Variants in VAPA observed in about 807,000 individuals in gnomAD.
VAPA encodes the protein VAMP associated protein A.
Under a neutral mutation model 25.6 loss-of-function variants are expected in VAPA, and 6 were observed. The ratio of observed to expected loss-of-function variants is 0.23; its 90% CI spans 0.13 to 0.46. The LOEUF (loss-of-function observed/expected upper bound fraction) is 0.46, where lower values mean the gene tolerates loss of function less well. Ranked by LOEUF, VAPA falls within the 20% of genes least tolerant of loss-of-function variation. The pLI, the probability that VAPA is intolerant of heterozygous loss-of-function variation, is 0.99. For missense variants in VAPA, 244 were observed against 302.1 expected (o/e 0.81, Z 1.43); for synonymous variants, 112 against 106.2 (o/e 1.05, Z -0.34).
chr18:9,925,451 A>G (rs1413875425), intron 1 of VAPA, among the ~76,000 whole-genome samples: 1 of 152,092 alleles, frequency 6.6e-6, no homozygotes, highest in African/African-American at 2.4e-5. Flanking sequence ...TCAATGACTA[A>G]GTTTTTAAAA....
chr18:9,950,797 C>T, intron 5 of VAPA: 1 of 464,220 alleles, frequency 2.2e-6, no homozygotes, highest in South Asian at 2.4e-5. Flanking sequence ...TGTGATCTGG[C>T]CTGCAGTATT....
intron 1 of VAPA, among the ~76,000 whole-genome samples, chr18:9,928,847 T>C (rs901842479): frequency 1.3e-5 from 2 of 152,192 alleles, no homozygotes; most frequent in East Asian, 3.8e-4. Context: ...GTCAGATGTT[T>C]GTATCTACTT....
rs1473773996 is a variant in VAPA at position 9,935,700 on chromosome 18, A to G, written c.233-410A>G. Among the ~76,000 whole-genome samples, 3 of 152,374 alleles carry G rather than the reference A, an allele frequency of 2.0e-5. No individual in the cohort carries two copies. The East Asian group carries it at 5.8e-4, about 29-fold the overall frequency. ...AATGAAGCCTAAATTCATAGTTTTA[A>G]TAACTTATATTTAATCTGAGCTTAT... On this transcript the variant is annotated intron_variant, in intron 2 of 5. Coordinates refer to ENST00000400000, the MANE Select transcript of VAPA (RefSeq NM_194434.3).
chr18:9,951,246 C>G (rs2069486571), intron 5 of VAPA: 1 of 152,246 alleles, frequency 6.6e-6, no homozygotes, highest in African/African-American at 2.4e-5. Context: ...TTAGTGTAAG[C>G]TCTTCACTGT....
intron 1 of VAPA, among the ~76,000 whole-genome samples, chr18:9,919,054 A>AT (rs985311024): frequency 7.2e-5 from 11 of 151,898 alleles, no homozygotes; most frequent in Non-Finnish European, 1.2e-4. Flanking sequence ...TGCCCAGCTA[A>AT]TTTTTTACGT....
intron 4 of VAPA, among the ~76,000 whole-genome samples, chr18:9,938,100 C>G (rs1035151845): frequency 1.3e-5 from 2 of 151,950 alleles, no homozygotes; most frequent in Non-Finnish European, 1.5e-5. Context: ...TGGAGGTTTT[C>G]TTTTTTGCTT....
chr18:9,936,335 G>A lies in VAPA; in HGVS notation c.336+122G>A, dbSNP rs952215001. 15 of 537,144 alleles carry A rather than the reference G, an allele frequency of 2.8e-5. No homozygotes were observed. In the South Asian group the frequency reaches 6.3e-4, roughly 23 times the overall value. The allele number at this position is 537,144 out of a possible 1,614,324, so 33.3% of individuals were successfully genotyped here. A position where few individuals can be genotyped will look rare whatever the true frequency, so the allele number is the denominator to read the frequency against. On this transcript the variant is annotated intron_variant, in intron 3 of 5. Transcript: ENST00000400000. Reference sequence around the variant, plus strand: ...GTTAAATTTAGGTTTTTAAAAAACTGCCAATTTCTTCATTATAGATAATCC... The same window carrying A: ...GTTAAATTTAGGTTTTTAAAAAACTACCAATTTCTTCATTATAGATAATCC...
chr18:9,930,108 T>C (rs1390323780), intron 1 of VAPA, among the ~76,000 whole-genome samples: 1 of 152,150 alleles, frequency 6.6e-6, no homozygotes, highest in Admixed American at 6.5e-5. Context: ...TACCTTAGTT[T>C]GGATAATTGG....
intron 1 of VAPA, among the ~76,000 whole-genome samples, chr18:9,922,670 C>CA (rs1215910233): frequency 6.6e-6 from 1 of 151,798 alleles, no homozygotes; most frequent in African/African-American, 2.4e-5. Context: ...GACTGGGAGA[C>CA]AAAACAGTGG....
intron 4 of VAPA, among the ~76,000 whole-genome samples, chr18:9,944,456 G>T (rs117548434): frequency 0.024 from 3,609 of 152,288 alleles, 54 homozygotes; most frequent in Middle Eastern, 0.065. Context: ...GGCCTGGGAT[G>T]TGTGTGAGAG....
rs1397611396 is a variant in VAPA at position 9,959,700 on chromosome 18, A to T, written c.*5489A>T. 7.5e-6 allele frequency: 1 copy of T among 132,842 alleles called. No homozygotes were observed. Among genetic ancestry groups the T allele is most frequent in the African/African-American group, 2.9e-5 (1 of 34,792 alleles). The allele number at this position is 132,842 out of a possible 1,614,324, so 8.2% of individuals were successfully genotyped here. ...TACAATGTGTGTGTGTGAGAGAGAG[A>T]GTGAGTTACTGACATTGTTCCAAAA... On this transcript the variant is annotated 3_prime_UTR_variant, in exon 6 of 6. Coordinates refer to ENST00000400000, the MANE Select transcript of VAPA (RefSeq NM_194434.3).
At chr18:9,936,847 G>C (rs776170586) in intron 3 of VAPA, 139 bp from the exon 4 acceptor site, 33 of 612,840 alleles carry the variant, frequency 5.4e-5, no homozygotes, top group Non-Finnish European at 8.1e-5. Flanking sequence ...AACAATGGCA[G>C]GGTGATCAAT....
Position 9,955,670 on chromosome 18 carries a change from T to C in VAPA, c.*1459T>C, listed in dbSNP as rs2069541165. 6.6e-6 allele frequency: 1 copy of C among 152,234 alleles called. No individual in the cohort carries two copies. The highest frequency in any genetic ancestry group is 2.4e-5 in the African/African-American group (1 of 41,456). The allele number at this position is 152,234 out of a possible 1,614,324, so 9.4% of individuals were successfully genotyped here. A position where few individuals can be genotyped will look rare whatever the true frequency, so the allele number is the denominator to read the frequency against. Reference sequence around the variant, plus strand: ...TCTGTGTACACATTTTATAGAAGAATGAAGTACTCTGAAGTATTTTGGTTG... The same window carrying C: ...TCTGTGTACACATTTTATAGAAGAACGAAGTACTCTGAAGTATTTTGGTTG... On this transcript the variant is annotated 3_prime_UTR_variant, in exon 6 of 6. Transcript: ENST00000400000.
chr18:9,938,260 G>A (rs1285887586), intron 4 of VAPA, among the ~76,000 whole-genome samples: 1 of 152,178 alleles, frequency 6.6e-6, no homozygotes, highest in Non-Finnish European at 1.5e-5. Flanking sequence ...TTCGGTCAGC[G>A]TAAATCTATC....
At chr18:9,925,522 A>G (rs1041848743) in intron 1 of VAPA, among the ~76,000 whole-genome samples, 3 of 152,222 alleles carry the variant, frequency 2.0e-5, no homozygotes, top group Admixed American at 2.0e-4. Flanking sequence ...AAAAATATTT[A>G]TACAAAAATA....
chr18:9,937,373 T>C (rs1424534036), intron 4 of VAPA, among the ~76,000 whole-genome samples: 1 of 152,220 alleles, frequency 6.6e-6, no homozygotes, highest in African/African-American at 2.4e-5. Context: ...GAATGAGATG[T>C]GTATACATAA....
chr18:9,946,213 G>A (rs1490749923), intron 4 of VAPA, among the ~76,000 whole-genome samples: 2 of 152,192 alleles, frequency 1.3e-5, no homozygotes, highest in African/African-American at 4.8e-5. Context: ...ATTGAGAAAT[G>A]TGTTGTTAGG....
In VAPA at chr18:9,945,350, C is replaced by CTTTTTTTTTTT. The variant is rs869048248; in HGVS notation, c.418-5027_418-5017dup. Among the ~76,000 whole-genome samples the CTTTTTTTTTTT allele has an allele frequency of 1.9e-4, 11 of 57,306 alleles. 1 individual carries two copies. Among genetic ancestry groups the CTTTTTTTTTTT allele is most frequent in the African/African-American group, 4.6e-4 (6 of 12,968 alleles). 37.6% of individuals were successfully genotyped at this position (57,306 alleles called of 152,430 possible). On this transcript the variant is annotated intron_variant, in intron 4 of 5. Coordinates refer to ENST00000400000, the MANE Select transcript of VAPA (RefSeq NM_194434.3). ...TTCTTTGAGATTTGGGGAATATACTCTTTTTTTTTTTTTTTTTTTTTTTTT... is the reference window on the plus strand; with the variant it reads ...TTCTTTGAGATTTGGGGAATATACTCTTTTTTTTTTTTTTTTTTTTTTTTTTTTTTTTTTTT...
chr18:9,944,119 G>C (rs768473596), intron 4 of VAPA, among the ~76,000 whole-genome samples: 1 of 151,532 alleles, frequency 6.6e-6, no homozygotes, highest in Admixed American at 6.6e-5. Context: ...AAAGTGCTGG[G>C]ATTACAAGCG....
Sources: allele counts gnomAD v4.1 joint callset (sites outside exome capture counted in the v4.1 genomes callset), GRCh38; gene constraint gnomAD v4.1.1; transcripts MANE v1.5; gene names NCBI Gene and HGNC (gene_info 2026-07-23, HGNC 2026-07-21).